MBD5: variants seen among roughly 807,000 people sequenced by gnomAD.
MBD5 encodes the protein methyl-CpG binding domain protein 5.
MBD5 carries 13 observed loss-of-function variants against 117.3 expected under a neutral mutation model. The observed-to-expected ratio is 0.11, with a 90% confidence interval of 0.07 to 0.18. MBD5 has a LOEUF of 0.18. Among genes scored for constraint, MBD5 ranks in the 10% least tolerant of loss-of-function variants. The pLI is 1.00. For synonymous variants in MBD5, 727 were observed against 766.4 expected, an observed-to-expected ratio of 0.95 and a Z score of 0.85; for missense variants, 1,879 against 2,093.8, an observed-to-expected ratio of 0.90 and a Z score of 2.00.
chr2:148,208,417 C>T (rs1199193397), intron 2 of MBD5, among the ~76,000 whole-genome samples: 1 of 151,926 alleles, frequency 6.6e-6, no homozygotes, highest in Non-Finnish European at 1.5e-5. Context: ...CAATGCCAGG[C>T]CAATTTTATT....
At chr2:148,181,582 T>G (rs1376916133) in intron 2 of MBD5, among the ~76,000 whole-genome samples, 1 of 152,214 alleles carries the variant, frequency 6.6e-6, no homozygotes, top group Admixed American at 6.5e-5. Context: ...TTGAGTTTTT[T>G]AAAATCACTA....
At chr2:148,197,818 G>T (rs7558400) in intron 2 of MBD5, among the ~76,000 whole-genome samples, 6,645 of 102,692 alleles carry the variant, frequency 0.065, 280 homozygotes, top group Admixed American at 0.11. Flanking sequence ...TTTTTTTTTT[G>T]TTTTTTTTTT....
chr2:148,238,578 C>T (rs1444737275), intron 3 of MBD5, among the ~76,000 whole-genome samples: 3 of 152,116 alleles, frequency 2.0e-5, no homozygotes, highest in Non-Finnish European at 2.9e-5. Context: ...TCTAGGTCTG[C>T]TATAACAAAT....
At chr2:148,401,825 T>G (rs1361867616) in intron 4 of MBD5, among the ~76,000 whole-genome samples, 2 of 152,092 alleles carry the variant, frequency 1.3e-5, no homozygotes, top group Non-Finnish European at 2.9e-5. Flanking sequence ...CACGTTACAT[T>G]TAGTTTTCAT....
rs57084762 is a variant in MBD5 at position 148,310,778 on chromosome 2, C to T, written c.-679-31436C>T. On this transcript the variant is annotated intron_variant, in intron 3 of 13. Coordinates refer to ENST00000642680, the MANE Select transcript of MBD5 (RefSeq NM_001378120.1). Reference sequence around the variant, plus strand: ...GATCTTTCCTGCTTTCTTCTATGGGCATTTGGTCCTATAAATTTCCCCCTA... The same window carrying T: ...GATCTTTCCTGCTTTCTTCTATGGGTATTTGGTCCTATAAATTTCCCCCTA... Among the ~76,000 whole-genome samples the T allele has an allele frequency of 4.1e-3, 628 of 152,254 alleles. 6 individuals are homozygous for T. The highest frequency in any genetic ancestry group is 0.014 in the African/African-American group (588 of 41,538).
At chr2:148,247,382 G>T (rs1002121534) in intron 3 of MBD5, among the ~76,000 whole-genome samples, 17 of 152,124 alleles carry the variant, frequency 1.1e-4, no homozygotes, top group Non-Finnish European at 2.1e-4. Flanking sequence ...AACAAACATT[G>T]GCAATCTTTT....
chr2:148,064,121 C>CTTTTTTTTTTTTTTTTTTTTTTT (rs200434229), intron 1 of MBD5, among the ~76,000 whole-genome samples: 1 of 126,152 alleles, frequency 7.9e-6, no homozygotes, highest in African/African-American at 3.1e-5. Context: ...CACCAGCTGT[C>CTTTTTTTTTTTTTTTTTTTTTTT]TTTTTTCTTT....
chr2:148,224,669 C>A (rs1014978114), intron 2 of MBD5, among the ~76,000 whole-genome samples: 9 of 151,598 alleles, frequency 5.9e-5, no homozygotes, highest in African/African-American at 2.2e-4. Flanking sequence ...CTGCCTCTAG[C>A]TATTAGTGTA....
At chr2:148,204,000 GA>G (rs1699211488) in intron 2 of MBD5, among the ~76,000 whole-genome samples, 1 of 152,028 alleles carries the variant, frequency 6.6e-6, no homozygotes, top group Non-Finnish European at 1.5e-5. Flanking sequence ...GGTCAAACCT[GA>G]ACTCTAATTT....
intron 1 of MBD5, among the ~76,000 whole-genome samples, chr2:148,166,722 C>CTGTG (rs143131312): frequency 6.6e-6 from 1 of 151,802 alleles, no homozygotes; most frequent in Non-Finnish European, 1.5e-5. Flanking sequence ...GCTATGTTTT[C>CTGTG]TGTGTGTGTG....
At chr2:148,441,754 C>T (rs1293352615) in intron 4 of MBD5, among the ~76,000 whole-genome samples, 4 of 151,826 alleles carry the variant, frequency 2.6e-5, no homozygotes, top group Non-Finnish European at 4.4e-5. Context: ...TCTCCACATC[C>T]TCTCCAGCAC....
intron 1 of MBD5, among the ~76,000 whole-genome samples, chr2:148,085,448 G>T (rs1466441105): frequency 6.6e-6 from 1 of 152,180 alleles, no homozygotes; most frequent in Non-Finnish European, 1.5e-5. Flanking sequence ...GGAGCGGCCG[G>T]GCGCGGTGGC....
chr2:148,113,361 CTTTTT>C (rs572839509), intron 1 of MBD5, among the ~76,000 whole-genome samples: 1 of 151,462 alleles, frequency 6.6e-6, no homozygotes, highest in African/African-American at 2.4e-5. Flanking sequence ...TTGTCAAAAA[CTTTTT>C]TTTTAACAGT....
intron 3 of MBD5, among the ~76,000 whole-genome samples, chr2:148,306,776 T>A (rs1477003039): frequency 6.6e-6 from 1 of 152,196 alleles, no homozygotes; most frequent in Non-Finnish European, 1.5e-5. Flanking sequence ...TCTAAGGGTC[T>A]GATAACAATT....
At chr2:148,299,867 C>G (rs893698299) in intron 3 of MBD5, among the ~76,000 whole-genome samples, 7 of 152,186 alleles carry the variant, frequency 4.6e-5, no homozygotes, top group Non-Finnish European at 2.9e-5. Flanking sequence ...TGCCTCATCT[C>G]TGATCTCCCT....
intron 3 of MBD5, among the ~76,000 whole-genome samples, chr2:148,324,256 T>C (rs1702379173): frequency 2.0e-5 from 3 of 152,206 alleles, no homozygotes; most frequent in Admixed American, 1.3e-4. Flanking sequence ...CCTTGTAGTA[T>C]AGTTTGAAGT....
chr2:148,369,082 T>A (rs1703783047), intron 4 of MBD5, among the ~76,000 whole-genome samples: 1 of 152,092 alleles, frequency 6.6e-6, no homozygotes, highest in Admixed American at 6.6e-5. Context: ...ATGCGTGACC[T>A]CAATTGAATT....
intron 4 of MBD5, among the ~76,000 whole-genome samples, chr2:148,397,047 T>A (rs1016163343): frequency 9.2e-5 from 14 of 152,330 alleles, no homozygotes; most frequent in African/African-American, 3.4e-4. Context: ...CACAGCCATA[T>A]AATTACTAAG....
intron 1 of MBD5, among the ~76,000 whole-genome samples, chr2:148,148,590 C>T (rs1037905131): frequency 6.6e-6 from 1 of 152,062 alleles, no homozygotes; most frequent in African/African-American, 2.4e-5. Context: ...ATTATTTTTC[C>T]TTTATTAATA....
Sources: gnomAD v4.1 joint callset for allele counts (sites outside exome capture counted in the v4.1 genomes callset) on GRCh38, gnomAD v4.1.1 for gene constraint, MANE v1.5 for transcripts, NCBI Gene and HGNC (gene_info 2026-07-23, HGNC 2026-07-21) for gene names.